Variants in CDYL2 observed in about 807,000 individuals in gnomAD.
CDYL2 encodes chromodomain Y-like protein 2.
A neutral mutation model predicts 49.4 loss-of-function variants in CDYL2; 23 were observed. The ratio of observed to expected loss-of-function variants is 0.47; its 90% CI spans 0.34 to 0.66. The LOEUF is 0.66. Among genes scored for constraint, CDYL2 ranks in the 30% least tolerant of loss-of-function variants. CDYL2 has a pLI of 0.01. For missense variants in CDYL2, 678 were observed against 656.4 expected, an observed-to-expected ratio of 1.03 and a Z score of -0.36; for synonymous variants, 360 against 268.8, an observed-to-expected ratio of 1.34 and a Z score of -3.32.
rs1402915935 is a variant in CDYL2 at position 80,709,147 on chromosome 16, G to A, written c.25-24018C>T. 1.6e-4 allele frequency among the ~76,000 whole-genome samples: 25 copies of A among 152,120 alleles called. 1 individual carries two copies. The highest frequency in any genetic ancestry group is 1.6e-3 in the Admixed American group (24 of 15,280). On this transcript the variant is annotated intron_variant, in intron 1 of 6. Transcript: ENST00000570137. ...GCCTATAATCCCAGCACTTTGGGAG[G>A]CCGAGGTGGGCAGATCACGAAGTCA...
At position 80,612,716 on chromosome 16, in the gene CDYL2, C is replaced by A. The variant is rs764547970; in HGVS notation, c.1128G>T (p.Lys376Asn). Reference sequence around the variant, plus strand: ...TGGCGTAGGGCGTCTGGAACCAGGCCTTCTCACTGGCCCACACGATGTCAC... The same window carrying A: ...TGGCGTAGGGCGTCTGGAACCAGGCATTCTCACTGGCCCACACGATGTCAC... The part of the protein sequence containing the change: ...PLCDIVWASE[K>N]AWFQTPYATI... Residue 376 changes from lysine to asparagine, a missense_variant, in exon 5 of 7, where the codon AAG (lysine) becomes AAT (asparagine). By Grantham distance (94) the Lys-to-Asn change is moderately conservative (BLOSUM62 0). Coordinates refer to ENST00000570137, the MANE Select transcript of CDYL2 (RefSeq NM_152342.4). The surrounding 1 kb of genome is among the most constrained non-coding windows in gnomAD (Gnocchi z 5.0). The A allele has an allele frequency of 6.2e-7, 1 of 1,613,454 alleles. No individual in the cohort carries two copies. Among genetic ancestry groups the A allele is most frequent in the African/African-American group, 1.3e-5 (1 of 74,902 alleles).
chr16:80,712,302 G>A lies in CDYL2; in HGVS notation c.25-27173C>T, dbSNP rs148449915. On this transcript the variant is annotated intron_variant, in intron 1 of 6. Transcript: ENST00000570137. ...ATAATGTCCAGAGAGTCCCTGAAAC[G>A]TAGCCACTGGATCACCTGGAGACCA... 2.1e-4 allele frequency among the ~76,000 whole-genome samples: 31 copies of A among 150,584 alleles called. No individual in the cohort carries two copies. In the East Asian group the frequency reaches 5.3e-3, roughly 26 times the overall value.
chr16:80,682,161 C>T (rs1023419141), intron 2 of CDYL2, among the ~76,000 whole-genome samples: 3 of 152,158 alleles, frequency 2.0e-5, no homozygotes, highest in African/African-American at 7.2e-5. Context: ...AGTGCCTTAA[C>T]CTTACGGGCA....
chr16:80,751,910 G>C (rs944033931), intron 1 of CDYL2, among the ~76,000 whole-genome samples: 1 of 152,108 alleles, frequency 6.6e-6, no homozygotes, highest in Non-Finnish European at 1.5e-5. Context: ...ATTTTCTCAG[G>C]AGATGGGCTG....
intron 1 of CDYL2, among the ~76,000 whole-genome samples, chr16:80,761,386 C>T (rs1163718751): frequency 6.6e-6 from 1 of 152,222 alleles, no homozygotes; most frequent in African/African-American, 2.4e-5. Context: ...GCGTTTTCAT[C>T]AAACGGTTGT....
intron 2 of CDYL2, among the ~76,000 whole-genome samples, chr16:80,655,376 A>G (rs775241891): frequency 6.6e-6 from 1 of 152,188 alleles, no homozygotes; most frequent in Non-Finnish European, 1.5e-5. Context: ...AAAAGAAAGT[A>G]GAGAAATAGG....
intron 2 of CDYL2, among the ~76,000 whole-genome samples, chr16:80,655,695 C>G (rs1908776704): frequency 6.6e-6 from 1 of 152,168 alleles, no homozygotes; most frequent in African/African-American, 2.4e-5. Context: ...TAGAAAGATG[C>G]AACACCTCTG....
Position 80,681,286 on chromosome 16 carries a change from C to A in CDYL2, c.616+3252G>T, listed in dbSNP as rs566890932. Among the ~76,000 whole-genome samples the A allele has an allele frequency of 6.5e-4, 99 of 152,170 alleles. 1 individual carries two copies. Among genetic ancestry groups the A allele is most frequent in the African/African-American group, 2.2e-3 (93 of 41,526 alleles). On this transcript the variant is annotated intron_variant, in intron 2 of 6. Coordinates refer to ENST00000570137, the MANE Select transcript of CDYL2 (RefSeq NM_152342.4). ...GATGAGCCCTCCTTTGTGCTGCAAA[C>A]CCCCAGTGCTCACCCTTGGGCCCCT...
chr16:80,705,738 G>C (rs1046053873), intron 1 of CDYL2, among the ~76,000 whole-genome samples: 5 of 152,248 alleles, frequency 3.3e-5, no homozygotes, highest in African/African-American at 1.2e-4. Context: ...ATCTGCCCTT[G>C]TCATGCAAAC....
chr16:80,645,119 A>C (rs1483038082), intron 2 of CDYL2, among the ~76,000 whole-genome samples: 1 of 152,226 alleles, frequency 6.6e-6, no homozygotes, highest in Non-Finnish European at 1.5e-5. Context: ...CAATGGCAAC[A>C]AAAGCCAAAA....
intron 1 of CDYL2, among the ~76,000 whole-genome samples, chr16:80,746,905 T>TA (rs879867669): frequency 1.3e-5 from 2 of 151,514 alleles, no homozygotes; most frequent in East Asian, 1.9e-4. Flanking sequence ...CTCTTCTCTT[T>TA]AAAAAAAAAT....
intron 3 of CDYL2, among the ~76,000 whole-genome samples, chr16:80,627,346 C>T (rs1292757465): frequency 6.6e-6 from 1 of 151,770 alleles, no homozygotes; most frequent in African/African-American, 2.4e-5. Context: ...CTATAGATGA[C>T]TCAGAGAGTA....
intron 1 of CDYL2, among the ~76,000 whole-genome samples, chr16:80,800,621 G>T (rs61153381): frequency 0.027 from 4,104 of 152,002 alleles, 201 homozygotes; most frequent in African/African-American, 0.095. Context: ...AGAGAGAACT[G>T]AGCCACCCCT....
chr16:80,690,050 G>A (rs1023593008), intron 1 of CDYL2, among the ~76,000 whole-genome samples: 10 of 151,918 alleles, frequency 6.6e-5, no homozygotes, highest in African/African-American at 2.4e-4. Context: ...GAACCCAGGA[G>A]GCGGAGGTTA....
At chr16:80,659,960 A>G (rs1426060035) in intron 2 of CDYL2, among the ~76,000 whole-genome samples, 2 of 152,120 alleles carry the variant, frequency 1.3e-5, no homozygotes, top group Admixed American at 6.5e-5. Flanking sequence ...AAAAAAAAGC[A>G]TAGACAGAAA....
At chr16:80,770,342 A>G (rs1477066828) in intron 1 of CDYL2, among the ~76,000 whole-genome samples, 2 of 152,210 alleles carry the variant, frequency 1.3e-5, no homozygotes, top group Non-Finnish European at 2.9e-5. Context: ...AAATCTTACA[A>G]GAACCAGAAG....
intron 1 of CDYL2, among the ~76,000 whole-genome samples, chr16:80,794,914 C>T (rs935661744): frequency 6.6e-6 from 1 of 152,134 alleles, no homozygotes; most frequent in South Asian, 2.1e-4. Context: ...CATCCAGCCT[C>T]AGTGATAGTT....
intron 2 of CDYL2, among the ~76,000 whole-genome samples, chr16:80,653,843 A>G (rs914315939): frequency 2.0e-5 from 3 of 152,220 alleles, no homozygotes; most frequent in Admixed American, 6.5e-5. Context: ...ACTTGCGTGT[A>G]CACAGGGATC....
At chr16:80,647,745 C>T (rs896705336) in intron 2 of CDYL2, among the ~76,000 whole-genome samples, 2 of 152,140 alleles carry the variant, frequency 1.3e-5, no homozygotes, top group African/African-American at 4.8e-5. Flanking sequence ...TTCTGTAGCA[C>T]ATGGATCATT....
Sources: gnomAD v4.1 joint callset for allele counts (sites outside exome capture counted in the v4.1 genomes callset) on GRCh38, gnomAD v4.1.1 for gene constraint, Gnocchi (gnomAD v3.1) non-coding constraint, MANE v1.5 for transcripts, NCBI Gene and HGNC (gene_info 2026-07-23, HGNC 2026-07-21) for gene names.